Variants in ST6GALNAC3 observed in about 807,000 individuals in gnomAD.
The protein encoded by ST6GALNAC3 is ST6 N-acetylgalactosaminide alpha-2,6-sialyltransferase 3, also known as alpha-N-acetylgalactosaminide alpha-2,6-sialyltransferase 3.
Under a neutral mutation model 32.7 loss-of-function variants are expected in ST6GALNAC3, and 25 were observed. The observed-to-expected ratio is 0.76, with a 90% CI of 0.56 to 1.07. ST6GALNAC3 has a LOEUF of 1.07. Among genes scored for constraint, ST6GALNAC3 ranks in the 50% least tolerant of loss-of-function variants. ST6GALNAC3 has a pLI of 0.00. For synonymous variants in ST6GALNAC3, 129 were observed against 133.1 expected (o/e 0.97, Z 0.21); for missense variants, 355 against 382.4 (o/e 0.93, Z 0.60).
intron 3 of ST6GALNAC3, among the ~76,000 whole-genome samples, chr1:76,602,416 T>C (rs1310047873): frequency 6.6e-6 from 1 of 151,812 alleles, no homozygotes; most frequent in African/African-American, 2.4e-5. Flanking sequence ...AGTGGATCAG[T>C]CTAAGGAGGG....
At chr1:76,281,304 T>G (rs1178252323) in intron 1 of ST6GALNAC3, among the ~76,000 whole-genome samples, 1 of 152,362 alleles carries the variant, frequency 6.6e-6, no homozygotes, top group Non-Finnish European at 1.5e-5. Context: ...AAATGCACAC[T>G]TAATTATGAG....
intron 2 of ST6GALNAC3, among the ~76,000 whole-genome samples, chr1:76,328,419 C>A (rs1647121979): frequency 6.6e-6 from 1 of 152,196 alleles, no homozygotes; most frequent in African/African-American, 2.4e-5. Context: ...TGACTTCTTA[C>A]TCTGTGGTGC....
chr1:76,314,589 A>G (rs1243716671), intron 2 of ST6GALNAC3, among the ~76,000 whole-genome samples: 1 of 152,188 alleles, frequency 6.6e-6, no homozygotes, highest in Non-Finnish European at 1.5e-5. Flanking sequence ...GGATGGAGGT[A>G]TATTGACAAC....
intron 1 of ST6GALNAC3, among the ~76,000 whole-genome samples, chr1:76,091,605 T>A (rs539230344): frequency 1.3e-5 from 2 of 152,384 alleles, no homozygotes; most frequent in Admixed American, 6.5e-5. Flanking sequence ...ACTGCCTATA[T>A]GACAGTGGTC....
chr1:76,298,742 A>T (rs1257408688), intron 1 of ST6GALNAC3, among the ~76,000 whole-genome samples: 1 of 152,048 alleles, frequency 6.6e-6, no homozygotes, highest in Admixed American at 6.6e-5. Context: ...TTTCACAGTA[A>T]TTCAGTATAA....
intron 1 of ST6GALNAC3, among the ~76,000 whole-genome samples, chr1:76,283,167 C>CTA (rs1659593751): frequency 6.6e-6 from 1 of 152,152 alleles, no homozygotes; most frequent in Non-Finnish European, 1.5e-5. Context: ...GGTAAGACCA[C>CTA]TGAGCTAGGA....
intron 1 of ST6GALNAC3, among the ~76,000 whole-genome samples, chr1:76,166,363 C>G (rs1652126048): frequency 6.6e-6 from 1 of 151,984 alleles, no homozygotes; most frequent in Non-Finnish European, 1.5e-5. Flanking sequence ...GGTCTGTTTT[C>G]TCTTTTTGTA....
At position 76,079,933 on chromosome 1, in the gene ST6GALNAC3, G is replaced by T. The variant is rs145098412; in HGVS notation, c.18+5049G>T. On this transcript the variant is annotated intron_variant, in intron 1 of 4. Transcript: ENST00000328299. ...TTAGTTCTTGTCCCTGTAGTAGCAG[G>T]TATTACCATGTACTGTCAATAAACT... 3.1e-4 allele frequency among the ~76,000 whole-genome samples: 47 copies of T among 152,238 alleles called. No homozygotes were observed. The South Asian group carries it at 5.8e-3, about 19-fold the overall frequency.
intron 3 of ST6GALNAC3, among the ~76,000 whole-genome samples, chr1:76,579,122 C>CT (rs1646854936): frequency 6.6e-6 from 1 of 152,080 alleles, no homozygotes; most frequent in South Asian, 2.1e-4. Flanking sequence ...TCCTGCTGAT[C>CT]TTTTGGATAC....
intron 3 of ST6GALNAC3, among the ~76,000 whole-genome samples, chr1:76,448,272 T>C (rs957768274): frequency 6.6e-6 from 1 of 152,224 alleles, no homozygotes; most frequent in Non-Finnish European, 1.5e-5. Context: ...TTTCTCCTTT[T>C]GAATGGCTGT....
intron 3 of ST6GALNAC3, among the ~76,000 whole-genome samples, chr1:76,460,643 A>G (rs569794442): frequency 2.6e-5 from 4 of 152,318 alleles, no homozygotes; most frequent in African/African-American, 9.6e-5. Flanking sequence ...ATCAAAGTCA[A>G]TTGCCGAATG....
intron 2 of ST6GALNAC3, among the ~76,000 whole-genome samples, chr1:76,403,837 G>GTT (rs1375217698): frequency 6.6e-6 from 1 of 152,018 alleles, no homozygotes; most frequent in Non-Finnish European, 1.5e-5. Context: ...AATTATCCAA[G>GTT]TTTTACTGTG....
At chr1:76,433,229 A>C (rs927979477) in intron 3 of ST6GALNAC3, among the ~76,000 whole-genome samples, 1 of 151,990 alleles carries the variant, frequency 6.6e-6, no homozygotes, top group African/African-American at 2.4e-5. Context: ...GATACTTGTC[A>C]TTCTGGTTAG....
intron 2 of ST6GALNAC3, among the ~76,000 whole-genome samples, chr1:76,318,794 C>T (rs1570804260): frequency 6.6e-6 from 1 of 152,082 alleles, no homozygotes; most frequent in African/African-American, 2.4e-5. Flanking sequence ...GAAACAAATG[C>T]TATTTATTTT....
At chr1:76,197,800 G>A (rs796906941) in intron 1 of ST6GALNAC3, among the ~76,000 whole-genome samples, 2 of 152,118 alleles carry the variant, frequency 1.3e-5, no homozygotes, top group South Asian at 4.1e-4. Context: ...TTTTGGGCTG[G>A]ATAATTCTTT....
At chr1:76,446,194 T>A (rs1656954289) in intron 3 of ST6GALNAC3, among the ~76,000 whole-genome samples, 1 of 152,194 alleles carries the variant, frequency 6.6e-6, no homozygotes, top group Non-Finnish European at 1.5e-5. Flanking sequence ...TAAACAACAG[T>A]TTTAAGTTCA....
intron 1 of ST6GALNAC3, among the ~76,000 whole-genome samples, chr1:76,305,267 G>C (rs1321719555): frequency 1.3e-5 from 2 of 152,086 alleles, no homozygotes; most frequent in African/African-American, 4.8e-5. Flanking sequence ...GAAAAGAGTA[G>C]TAATGTGAAT....
At chr1:76,477,723 G>C (rs868752776) in intron 3 of ST6GALNAC3, among the ~76,000 whole-genome samples, 1 of 152,148 alleles carries the variant, frequency 6.6e-6, no homozygotes, top group African/African-American at 2.4e-5. Flanking sequence ...GTTGTACCAA[G>C]GGAGAGCACA....
chr1:76,332,474 C>T (rs899634519), intron 2 of ST6GALNAC3, among the ~76,000 whole-genome samples: 5 of 152,174 alleles, frequency 3.3e-5, no homozygotes, highest in African/African-American at 4.8e-5. Context: ...ACTAACTTCA[C>T]TAAGCTCTTA....
Sources: allele counts gnomAD v4.1 joint callset (sites outside exome capture counted in the v4.1 genomes callset), GRCh38; gene constraint gnomAD v4.1.1; transcripts MANE v1.5; gene names NCBI Gene and HGNC (gene_info 2026-07-23, HGNC 2026-07-21).